Variants in CACNA2D3 observed in about 807,000 individuals in gnomAD.
CACNA2D3 encodes voltage-dependent calcium channel subunit alpha-2/delta-3.
CACNA2D3 carries 60 observed loss-of-function variants against 160.6 expected under a neutral mutation model. The observed-to-expected ratio is 0.37, with a 90% CI of 0.30 to 0.46. The LOEUF is 0.46. Ranked by LOEUF, CACNA2D3 falls within the 20% of genes least tolerant of loss-of-function variation. CACNA2D3 has a pLI of 1.00. For missense variants in CACNA2D3, 1,205 were observed against 1,365.0 expected, an observed-to-expected ratio of 0.88 and a Z score of 1.85; for synonymous variants, 558 against 492.9, an observed-to-expected ratio of 1.13 and a Z score of -1.75.
At chr3:54,957,948 C>T (rs1184698382) in intron 27 of CACNA2D3, among the ~76,000 whole-genome samples, 1 of 152,182 alleles carries the variant, frequency 6.6e-6, no homozygotes, top group Non-Finnish European at 1.5e-5. Flanking sequence ...GGACAGAGTC[C>T]AAACCACATG....
chr3:54,931,525 A>C (rs1015709861), intron 27 of CACNA2D3, among the ~76,000 whole-genome samples: 6 of 152,300 alleles, frequency 3.9e-5, no homozygotes, highest in African/African-American at 1.4e-4. Context: ...AGAGGAACCA[A>C]GGAGAGATGC....
chr3:54,441,205 T>A (rs1307887549), intron 4 of CACNA2D3, among the ~76,000 whole-genome samples: 3 of 152,220 alleles, frequency 2.0e-5, no homozygotes, highest in Admixed American at 6.5e-5. Context: ...GGTATCTCAT[T>A]GTGGTTTTGA....
intron 31 of CACNA2D3, among the ~76,000 whole-genome samples, chr3:54,992,082 G>A (rs911334659): frequency 3.3e-5 from 5 of 152,134 alleles, no homozygotes; most frequent in African/African-American, 1.2e-4. Context: ...CATCCCTGGG[G>A]ACCTTTAAAA....
chr3:55,026,320 T>C (rs1388465202), intron 35 of CACNA2D3, among the ~76,000 whole-genome samples: 1 of 152,118 alleles, frequency 6.6e-6, no homozygotes, highest in African/African-American at 2.4e-5. Context: ...AGGAAGAAAA[T>C]GTGAAGATAG....
chr3:54,938,710 A>C (rs1443595857), intron 27 of CACNA2D3, among the ~76,000 whole-genome samples: 6 of 152,006 alleles, frequency 3.9e-5, no homozygotes, highest in Admixed American at 3.9e-4. Flanking sequence ...GATAAAAATA[A>C]ATTTTTATTT....
chr3:54,985,227 C>T (rs1465480584), intron 30 of CACNA2D3, among the ~76,000 whole-genome samples: 1 of 152,178 alleles, frequency 6.6e-6, no homozygotes, highest in African/African-American at 2.4e-5. Flanking sequence ...CATTTGACTG[C>T]ACCATGTGCA....
At chr3:54,366,940 C>T (rs1472126464) in intron 3 of CACNA2D3, among the ~76,000 whole-genome samples, 1 of 152,142 alleles carries the variant, frequency 6.6e-6, no homozygotes, top group Non-Finnish European at 1.5e-5. Context: ...AAGGGTGTTC[C>T]AAATTCAAAG....
intron 14 of CACNA2D3, among the ~76,000 whole-genome samples, chr3:54,834,912 G>A (rs1575502674): frequency 2.0e-5 from 3 of 152,162 alleles, no homozygotes; most frequent in South Asian, 4.1e-4. Context: ...TTTGAGGGGG[G>A]CCTTGTCTTT....
At chr3:54,622,498 A>G (rs1699010305) in intron 9 of CACNA2D3, among the ~76,000 whole-genome samples, 1 of 151,742 alleles carries the variant, frequency 6.6e-6, no homozygotes, top group African/African-American at 2.4e-5. Context: ...GACGGTTGCG[A>G]TCTCCTGACC....
In CACNA2D3 at chr3:54,288,024, A is replaced by G. The variant is rs549826460; in HGVS notation, c.205-32418A>G. ...ACATCACAAAAGAACTAGAAAAGCA[A>G]GAGCAAACACATTCAAAAGCTAGCA... On this transcript the variant is annotated intron_variant, in intron 2 of 37. Coordinates refer to ENST00000474759, the MANE Select transcript of CACNA2D3 (RefSeq NM_018398.3). Among the ~76,000 whole-genome samples, 206 of 152,148 alleles carry G rather than the reference A, an allele frequency of 1.4e-3. 1 individual carries two copies. Among genetic ancestry groups the G allele is most frequent in the East Asian group, 2.3e-3 (12 of 5,136 alleles).
chr3:55,033,793 A>AT (rs74201989), intron 35 of CACNA2D3, among the ~76,000 whole-genome samples: 45 of 98,964 alleles, frequency 4.5e-4, no homozygotes, highest in Admixed American at 9.2e-4. Flanking sequence ...TATTAAATAT[A>AT]TTTTATATAA....
In CACNA2D3 at chr3:54,664,635, CAT is replaced by C. The variant is rs1700030952; in HGVS notation, c.1167+22397_1167+22398del. Among the ~76,000 whole-genome samples the C allele has an allele frequency of 5.3e-5, 8 of 152,336 alleles. No individual in the cohort carries two copies. In the South Asian group the frequency reaches 1.7e-3, roughly 32 times the overall value. On this transcript the variant is annotated intron_variant, in intron 11 of 37. Coordinates refer to ENST00000474759, the MANE Select transcript of CACNA2D3 (RefSeq NM_018398.3). ...TTGTTGAAAAATGTCTTTGTTCCAT[CAT>C]ATTTTTCCCTTTCTTTTCACAAACT... is the stretch of plus-strand genomic sequence containing the variant.
chr3:55,064,830 G>C (rs1704599681), intron 35 of CACNA2D3, among the ~76,000 whole-genome samples: 1 of 152,130 alleles, frequency 6.6e-6, no homozygotes, highest in Admixed American at 6.5e-5. Context: ...GAGATCTCTG[G>C]CTGTGTGACT....
intron 3 of CACNA2D3, among the ~76,000 whole-genome samples, chr3:54,326,398 T>G (rs79399470): frequency 0.085 from 12,915 of 152,232 alleles, 616 homozygotes; most frequent in Middle Eastern, 0.14. Flanking sequence ...TATGGGAATA[T>G]ATACAGTGAG....
At chr3:54,329,061 G>A (rs906062362) in intron 3 of CACNA2D3, among the ~76,000 whole-genome samples, 9 of 152,326 alleles carry the variant, frequency 5.9e-5, no homozygotes, top group African/African-American at 2.2e-4. Flanking sequence ...ATGGCTCGTT[G>A]TCTGAGCACC....
intron 4 of CACNA2D3, among the ~76,000 whole-genome samples, chr3:54,416,316 C>T (rs578211877): frequency 1.3e-5 from 2 of 152,310 alleles, no homozygotes; most frequent in South Asian, 4.1e-4. Flanking sequence ...TTGGTGTCTG[C>T]TCTGCTCCTG....
chr3:54,416,606 G>C (rs1408450591), intron 4 of CACNA2D3, among the ~76,000 whole-genome samples: 3 of 152,042 alleles, frequency 2.0e-5, no homozygotes, highest in Non-Finnish European at 4.4e-5. Flanking sequence ...AATACTTATA[G>C]CTTAATCATA....
chr3:54,835,001 T>G (rs1304723461), intron 14 of CACNA2D3, among the ~76,000 whole-genome samples: 1 of 152,204 alleles, frequency 6.6e-6, no homozygotes, highest in African/African-American at 2.4e-5. Flanking sequence ...GATTAAAATG[T>G]TAGTCACATC....
At chr3:54,403,529 A>C (rs372287677) in intron 4 of CACNA2D3, among the ~76,000 whole-genome samples, 1 of 152,172 alleles carries the variant, frequency 6.6e-6, no homozygotes, top group African/African-American at 2.4e-5. Flanking sequence ...AAAATAAGAA[A>C]TATTTCAAAT....
Sources: allele counts gnomAD v4.1 joint callset (sites outside exome capture counted in the v4.1 genomes callset), GRCh38; gene constraint gnomAD v4.1.1; transcripts MANE v1.5; gene names NCBI Gene and HGNC (gene_info 2026-07-23, HGNC 2026-07-21).